Variants in GNAQ observed in about 807,000 individuals in gnomAD.
GNAQ encodes the protein G protein subunit alpha q, also known as guanine nucleotide-binding protein G(q) subunit alpha.
A neutral mutation model predicts 43.9 loss-of-function variants in GNAQ; 8 were observed. The observed-to-expected ratio is 0.18, with a 90% confidence interval of 0.11 to 0.33. The LOEUF is 0.33. Among genes scored for constraint, GNAQ ranks in the 10% least tolerant of loss-of-function variants. The pLI, the probability that GNAQ is intolerant of heterozygous loss-of-function variation, is 1.00. For missense variants in GNAQ, 158 were observed against 450.8 expected (o/e 0.35, Z 5.88); for synonymous variants, 155 against 170.7 (o/e 0.91, Z 0.71).
At chr9:77,799,981 G>A (rs1352343900) in intron 3 of GNAQ, among the ~76,000 whole-genome samples, 1 of 152,200 alleles carries the variant, frequency 6.6e-6, no homozygotes, top group South Asian at 2.1e-4. Context: ...CAGAATTTTA[G>A]TAAATATCTT....
chr9:77,980,656 T>C (rs1012175889), intron 1 of GNAQ, among the ~76,000 whole-genome samples: 4 of 140,246 alleles, frequency 2.9e-5, no homozygotes, highest in Non-Finnish European at 6.3e-5. Flanking sequence ...GATACCACTT[T>C]ACTAGTTTAA....
intron 1 of GNAQ, among the ~76,000 whole-genome samples, chr9:78,025,363 A>T (rs1823964427): frequency 6.6e-6 from 1 of 152,204 alleles, no homozygotes; most frequent in Admixed American, 6.5e-5. Flanking sequence ...TCTTTCTTTA[A>T]TGTTACTCCA....
At chr9:77,922,108 T>C in intron 2 of GNAQ, 53 bp downstream of exon 2, 1 of 1,272,986 alleles carries the variant, frequency 7.9e-7, no homozygotes, top group Non-Finnish European at 1.1e-6. Flanking sequence ...TGTCACATTA[T>C]TGTGAACACC....
intron 3 of GNAQ, among the ~76,000 whole-genome samples, chr9:77,800,617 C>T (rs549853194): frequency 1.3e-5 from 2 of 152,170 alleles, no homozygotes; most frequent in East Asian, 1.9e-4. Context: ...TGCTAGATGA[C>T]GAGTTAGTGG....
intron 1 of GNAQ, among the ~76,000 whole-genome samples, chr9:77,951,175 G>A (rs1353597328): frequency 7.5e-6 from 1 of 132,816 alleles, no homozygotes; most frequent in Non-Finnish European, 1.5e-5. Flanking sequence ...TCAGCTCACT[G>A]CAACCTCCAC....
At chr9:77,891,229 T>G (rs1286830817) in intron 2 of GNAQ, among the ~76,000 whole-genome samples, 2 of 152,186 alleles carry the variant, frequency 1.3e-5, no homozygotes, top group South Asian at 4.1e-4. Flanking sequence ...AAATTATTCT[T>G]TTTCTTGCCT....
At chr9:77,868,976 G>T (rs1014628251) in intron 2 of GNAQ, among the ~76,000 whole-genome samples, 2 of 152,142 alleles carry the variant, frequency 1.3e-5, no homozygotes, top group African/African-American at 4.8e-5. Context: ...AACAGAGCAA[G>T]ACTCTGTCTT....
At chr9:77,965,919 A>G (rs559346107) in intron 1 of GNAQ, among the ~76,000 whole-genome samples, 5 of 152,258 alleles carry the variant, frequency 3.3e-5, no homozygotes, top group African/African-American at 1.2e-4. Flanking sequence ...GTAGCCAAAC[A>G]CTGGAAACAA....
chr9:78,009,910 G>T (rs1823753319), intron 1 of GNAQ, among the ~76,000 whole-genome samples: 1 of 152,116 alleles, frequency 6.6e-6, no homozygotes, highest in Non-Finnish European at 1.5e-5. Flanking sequence ...TCAAAAACAG[G>T]ACTAGCAGTG....
chr9:77,727,452 T>C (rs966774333), intron 6 of GNAQ, among the ~76,000 whole-genome samples: 1 of 152,196 alleles, frequency 6.6e-6, no homozygotes, highest in South Asian at 2.1e-4. Flanking sequence ...TTGTCCAGGA[T>C]TTCACAGTCT....
At chr9:77,973,915 T>C (rs1430807927) in intron 1 of GNAQ, among the ~76,000 whole-genome samples, 1 of 152,188 alleles carries the variant, frequency 6.6e-6, no homozygotes, top group Non-Finnish European at 1.5e-5. Context: ...AAGTCCTTAC[T>C]GGGTTATTAT....
intron 1 of GNAQ, among the ~76,000 whole-genome samples, chr9:77,940,458 G>C (rs1479086774): frequency 6.6e-6 from 1 of 151,988 alleles, no homozygotes; most frequent in Non-Finnish European, 1.5e-5. Flanking sequence ...GGGCACCTGT[G>C]GTCCTAGCTA....
intron 1 of GNAQ, among the ~76,000 whole-genome samples, chr9:78,023,801 A>G (rs535397125): frequency 6.6e-6 from 1 of 152,292 alleles, no homozygotes; most frequent in Admixed American, 6.5e-5. Flanking sequence ...AAATGAGGCT[A>G]TCTCCTAGAA....
At chr9:77,836,400 A>C (rs1827385660) in intron 2 of GNAQ, among the ~76,000 whole-genome samples, 1 of 152,202 alleles carries the variant, frequency 6.6e-6, no homozygotes, top group African/African-American at 2.4e-5. Context: ...ATATGCTTGC[A>C]AAAGATTCTT....
At chr9:77,929,196 C>G (rs1265141718) in intron 1 of GNAQ, among the ~76,000 whole-genome samples, 1 of 152,104 alleles carries the variant, frequency 6.6e-6, no homozygotes, top group Non-Finnish European at 1.5e-5. Flanking sequence ...ATTCTTTCCC[C>G]TAAGAGTACA....
rs1824009724 is a variant in GNAQ, at chr9:78,028,482, TG to T, written c.136+2617del. On this transcript the variant is annotated intron_variant, in intron 1 of 6. Coordinates refer to ENST00000286548, the MANE Select transcript of GNAQ (RefSeq NM_002072.5). ...TAATACACAAAAGTAAATAATTACA[TG>T]AGCAAATGCAAGGGTACCCACTTTT... Among the ~76,000 whole-genome samples the T allele has an allele frequency of 2.0e-5, 3 of 152,212 alleles. No individual in the cohort carries two copies. In the South Asian group the frequency reaches 6.2e-4, roughly 31 times the overall value.
At chr9:77,810,791 G>A (rs753339422) in intron 3 of GNAQ, among the ~76,000 whole-genome samples, 6 of 152,154 alleles carry the variant, frequency 3.9e-5, no homozygotes, top group African/African-American at 9.7e-5. Flanking sequence ...GGAACAGAGG[G>A]TAGAGGGGAG....
intron 1 of GNAQ, among the ~76,000 whole-genome samples, chr9:77,979,602 T>G (rs1587442827): frequency 6.6e-6 from 1 of 151,894 alleles, no homozygotes; most frequent in South Asian, 2.1e-4. Flanking sequence ...ACCTCTGAGG[T>G]CCCAAAGCCC....
chr9:77,928,017 C>T (rs906927539), intron 1 of GNAQ, among the ~76,000 whole-genome samples: 1 of 152,188 alleles, frequency 6.6e-6, no homozygotes, highest in African/African-American at 2.4e-5. Context: ...CTTTCACATA[C>T]ACTTGGATGA....
Sources: gnomAD v4.1 joint callset for allele counts (sites outside exome capture counted in the v4.1 genomes callset) on GRCh38, gnomAD v4.1.1 for gene constraint, MANE v1.5 for transcripts, NCBI Gene and HGNC (gene_info 2026-07-23, HGNC 2026-07-21) for gene names.